The following NOTCH4 variants were observed in gnomAD, a reference collection of about 807,000 sequenced individuals.
The protein encoded by NOTCH4 is notch receptor 4.
A neutral mutation model predicts 189.0 loss-of-function variants in NOTCH4; 138 were observed. The ratio of observed to expected loss-of-function variants is 0.73; its 90% CI spans 0.64 to 0.84. The LOEUF (loss-of-function observed/expected upper bound fraction) is 0.84. NOTCH4 is among the 40% of genes least tolerant of loss of function. The pLI is 0.00. For missense variants in NOTCH4, 2,286 were observed against 2,605.4 expected, an observed-to-expected ratio of 0.88 and a Z score of 2.67; for synonymous variants, 942 against 1,032.8, an observed-to-expected ratio of 0.91 and a Z score of 1.69.
intron 26 of NOTCH4, 125 bp from the exon 27 acceptor site, chr6:32,197,719 T>A: frequency 1.3e-6 from 1 of 795,532 alleles, no homozygotes; most frequent in Non-Finnish European, 1.9e-6. Flanking sequence ...CTGTGTGGCT[T>A]TAGCCAAGTG....
intron 6 of NOTCH4, 52 bp downstream of exon 6, chr6:32,220,353 C>G (rs898261518): frequency 8.7e-6 from 14 of 1,611,042 alleles, no homozygotes; most frequent in Non-Finnish European, 1.1e-5. Flanking sequence ...CCTGGTGCTT[C>G]TCTCACCCTC....
chr6:32,213,066 G>A (rs1789131629), intron 15 of NOTCH4, 69 bp downstream of exon 15: 1 of 1,310,440 alleles, frequency 7.6e-7, no homozygotes, highest in African/African-American at 1.4e-5. Flanking sequence ...GAACCCAGGG[G>A]GAGATGAGAG....
intron 11 of NOTCH4, 115 bp downstream of exon 11, chr6:32,216,830 A>G: frequency 8.2e-7 from 1 of 1,225,362 alleles, no homozygotes; most frequent in Non-Finnish European, 1.2e-6. Flanking sequence ...TTTAAAGGAT[A>G]CCATTCTCAT....
chr6:32,201,346 T>C lies in NOTCH4; in HGVS notation c.3910A>G (p.Ser1304Gly), dbSNP rs1788340857. The change falls in exon 22 of 30, where the codon AGC becomes GGC. Residue 1304 changes from serine to glycine, a missense_variant. This residue lies in a region of NOTCH4 where 1,903 missense variants were observed against 2,261.9 expected (regional missense o/e 0.84). Coordinates refer to ENST00000375023, the MANE Select transcript of NOTCH4 (RefSeq NM_004557.4). This position sits in a 1 kb window ranked among gnomAD's most constrained non-coding sequence, Gnocchi z 5.5. The stretch of plus-strand genomic sequence containing the variant: ...AGCTGCTGGTCTAGGGCTGGGGGGC[T>C]CAGTACCACCAGCAGGGCCAGGGAG... ...GPSLALLVVL[S>G]PPALDQQLFA... The C allele has an allele frequency of 6.2e-7, 1 of 1,610,060 alleles. No individual in the cohort carries two copies. The highest frequency in any genetic ancestry group is 8.5e-7 in the Non-Finnish European group (1 of 1,178,266).
At chr6:32,213,402 A>C (rs1176870317) in intron 14 of NOTCH4, 150 bp from the exon 15 acceptor site, 1 of 628,800 alleles carries the variant, frequency 1.6e-6, no homozygotes. Flanking sequence ...ATGATATTTT[A>C]TTGTTTTTAG....
chr6:32,198,833 A>ACTT lies in NOTCH4; in HGVS notation c.4535+90_4535+92dup, dbSNP rs1396996593. ...CCCCTCTCTCCTTCCCCTATCTTTG[A>ACTT]CTTCTGCAATAGTATTTCTTATCTT... On this transcript the variant is annotated intron_variant, in intron 24 of 29. Transcript: ENST00000375023. This position sits in a 1 kb window ranked among gnomAD's most constrained non-coding sequence, Gnocchi z 5.5. 6.9e-7 allele frequency: 1 copy of ACTT among 1,448,650 alleles called. No individual in the cohort carries two copies. Among genetic ancestry groups the ACTT allele is most frequent in the African/African-American group, 1.4e-5 (1 of 70,156 alleles). 89.7% of individuals were successfully genotyped at this position (1,448,650 alleles called of 1,614,324 possible).
In NOTCH4 at chr6:32,216,748, A is replaced by T. The variant is rs547527789; in HGVS notation, c.1861+197T>A. On this transcript the variant is annotated intron_variant, in intron 11 of 29. Transcript: ENST00000375023. Reference sequence around the variant, plus strand: ...CAATCACACCATTTACACTGGGCCCATGTGGGCCCTACGGTAACCCCTGCC... The same window carrying T: ...CAATCACACCATTTACACTGGGCCCTTGTGGGCCCTACGGTAACCCCTGCC... 25 of 684,494 alleles carry T rather than the reference A, an allele frequency of 3.7e-5. No individual in the cohort carries two copies. The South Asian group carries it at 4.5e-4, about 12-fold the overall frequency. The allele number at this position is 684,494 out of a possible 1,614,324, so 42.4% of individuals were successfully genotyped here. A position where few individuals can be genotyped will look rare whatever the true frequency, so the allele number is the denominator to read the frequency against.
chr6:32,223,799 A>C, intron 1 of NOTCH4, 57 bp downstream of exon 1: 2 of 1,558,058 alleles, frequency 1.3e-6, no homozygotes, highest in East Asian at 2.3e-5. Context: ...CCCCCACCCC[A>C]CTGATCATCC....
Position 32,203,819 on chromosome 6 carries a change from C to T in NOTCH4, c.3182G>A (p.Cys1061Tyr), listed in dbSNP as rs866877705. ...CAGGGGTGATCCTGCTGTGGCCTCA[C>T]AGGTCCCTCCATGAAAGCAGGGTTG... ...HSQPCFHGGT[C>Y]EATAGSPLGF... The change falls in exon 20 of 30, where the codon TGT becomes TAT. Residue 1061 changes from cysteine (C) to tyrosine (Y), a missense_variant. This residue lies in a region of NOTCH4 where 1,903 missense variants were observed against 2,261.9 expected (regional missense o/e 0.84). Coordinates refer to ENST00000375023, the MANE Select transcript of NOTCH4 (RefSeq NM_004557.4). The T allele has an allele frequency of 3.2e-6, 5 of 1,562,186 alleles. No individual in the cohort carries two copies. In the East Asian group the frequency reaches 9.4e-5, roughly 29 times the overall value.
chr6:32,213,972 C>T (rs962069724), intron 13 of NOTCH4, 132 bp from the exon 14 acceptor site: 15 of 1,417,304 alleles, frequency 1.1e-5, no homozygotes, highest in African/African-American at 1.4e-5. Flanking sequence ...TTCTCACCAC[C>T]TCCCACACAT....
At position 32,220,411 on chromosome 6, in the gene NOTCH4, G is replaced by A. The variant is rs370312303; in HGVS notation, c.1153C>T (p.Arg385Cys). Residue 385 changes from arginine (R) to cysteine (C), a missense_variant, in exon 6 of 30, where the codon CGC becomes TGC. Physicochemically the swap from Arg to Cys is radical, Grantham distance 180. Around this residue, in one of 2 missense-constraint regions of NOTCH4, gnomAD observed 1,903 missense variants for 2,261.9 expected, o/e 0.84. Coordinates refer to ENST00000375023, the MANE Select transcript of NOTCH4 (RefSeq NM_004557.4). ...GSFSCLCPPG[R>C]TGLLCHLEDM... ...ATACCCTCTACCCCCATACCTGTGC[G>A]TCCAGGTGGGCAGAGGCAGGAGAAA... is the stretch of plus-strand genomic sequence containing the variant. 78 of 1,613,874 alleles carry A rather than the reference G, an allele frequency of 4.8e-5. 1 individual carries two copies. Among genetic ancestry groups the A allele is most frequent in the Admixed American group, 6.7e-5 (4 of 60,006 alleles).
Position 32,212,844 on chromosome 6 carries a change from A to C in NOTCH4, c.2506T>G (p.Tyr836Asp). The C allele has an allele frequency of 1.3e-6, 2 of 1,548,904 alleles. No individual in the cohort carries two copies. The highest frequency in any genetic ancestry group is 2.4e-5 in the South Asian group (2 of 83,724). ...CTCACCTGGCAGCTGCCTCCGGTGT[A>C]GCCAGTGGGGCAGAGGCAGCGGGGA... Reference protein sequence around the residue: ...QGPRCLCPTGYTGGSCQTLMD... With the variant: ...QGPRCLCPTGDTGGSCQTLMD... Residue 836 changes from tyrosine (Y) to aspartate (D), a missense_variant, in exon 16 of 30, where the codon TAC becomes GAC. Physicochemically the swap from Tyr to Asp is radical, Grantham distance 160 (BLOSUM62 -3). Around this residue, in one of 2 missense-constraint regions of NOTCH4, gnomAD observed 1,903 missense variants for 2,261.9 expected, o/e 0.84. Transcript: ENST00000375023. This position sits in a 1 kb window ranked among gnomAD's most constrained non-coding sequence, Gnocchi z 4.4.
Position 32,196,889 on chromosome 6 carries a change from T to C in NOTCH4, c.5200+36A>G, listed in dbSNP as rs569356345. 3.8e-5 allele frequency: 54 copies of C among 1,419,514 alleles called. No individual in the cohort carries two copies. In the African/African-American group the frequency reaches 1.1e-3, roughly 29 times the overall value. The allele number at this position is 1,419,514 out of a possible 1,614,324, so 87.9% of individuals were successfully genotyped here. A position where few individuals can be genotyped will look rare whatever the true frequency, so the allele number is the denominator to read the frequency against. ...CTATCTCCCACCCCATCTGCTCAAC[T>C]TCTCTATAGCATACATCACCCCTTC... On this transcript the variant is annotated intron_variant, in intron 28 of 29. Coordinates refer to ENST00000375023, the MANE Select transcript of NOTCH4 (RefSeq NM_004557.4).
intron 12 of NOTCH4, 77 bp from the exon 13 acceptor site, chr6:32,214,332 A>G (rs1789237663): frequency 1.2e-5 from 18 of 1,514,380 alleles, no homozygotes; most frequent in Middle Eastern, 4.5e-4. Context: ...CTGGACCCCT[A>G]TGACTTCCTC....
intron 3 of NOTCH4, 147 bp downstream of exon 3, chr6:32,222,364 G>T: frequency 1.6e-6 from 1 of 635,648 alleles, no homozygotes; most frequent in Non-Finnish European, 2.5e-6. Flanking sequence ...GTGGGTAAGT[G>T]GATTGCCAAG....
Position 32,214,196 on chromosome 6 carries a change from C to T in NOTCH4, c.2081G>A (p.Gly694Asp), listed in dbSNP as rs2127479484. 9.3e-6 allele frequency: 15 copies of T among 1,613,486 alleles called. No homozygotes were observed. Among genetic ancestry groups the T allele is most frequent in the Non-Finnish European group, 1.3e-5 (15 of 1,179,752 alleles). ...ATGGGCACAGGGTGCAGAGATGCAGCCCCCTAGCTCTGCCTCACACTCTGG... is the reference window on the plus strand; with the variant it reads ...ATGGGCACAGGGTGCAGAGATGCAGTCCCCTAGCTCTGCCTCACACTCTGG... ...TGPECEAELG[G>D]CISAPCAHGG... The change falls in exon 13 of 30, where the codon GGC becomes GAC. Residue 694 changes from glycine (G) to aspartate (D), a missense_variant. Physicochemically the swap from Gly to Asp is moderately conservative, Grantham distance 94. Around this residue, in one of 2 missense-constraint regions of NOTCH4, gnomAD observed 1,903 missense variants for 2,261.9 expected, o/e 0.84. Coordinates refer to ENST00000375023, the MANE Select transcript of NOTCH4 (RefSeq NM_004557.4).
chr6:32,199,047 G>A lies in NOTCH4; in HGVS notation c.4414C>T (p.Arg1472Trp), dbSNP rs544666247. ...LGALLVLQLI[R>W]RRRREHGALW... is the part of the protein sequence containing the mutation. ...GCTCCATGCTCTCGGCGTCGACGCCGGATGAGCTGGAGGACGAGAAGAGCC... is the reference window on the plus strand; with the variant it reads ...GCTCCATGCTCTCGGCGTCGACGCCAGATGAGCTGGAGGACGAGAAGAGCC... The change falls in exon 24 of 30, where the codon CGG (arginine) becomes TGG (tryptophan). Residue 1472 changes from arginine to tryptophan, a missense_variant. Arg to Trp is a moderately radical substitution (Grantham distance 101). Around this residue, in one of 2 missense-constraint regions of NOTCH4, gnomAD observed 1,903 missense variants for 2,261.9 expected, o/e 0.84. Coordinates refer to ENST00000375023, the MANE Select transcript of NOTCH4 (RefSeq NM_004557.4). The surrounding 1 kb of genome is among the most constrained non-coding windows in gnomAD (Gnocchi z 4.9). 2.5e-6 allele frequency: 4 copies of A among 1,612,788 alleles called. No individual in the cohort carries two copies. Among genetic ancestry groups the A allele is most frequent in the African/African-American group, 2.7e-5 (2 of 74,940 alleles).
chr6:32,204,009 CG>C, intron 19 of NOTCH4, 127 bp from the exon 20 acceptor site: 1 of 505,464 alleles, frequency 2.0e-6, no homozygotes, highest in Non-Finnish European at 3.3e-6. Context: ...CTTTTCTGGG[CG>C]GGGGTGGGCG....
chr6:32,196,553 C>A, intron 28 of NOTCH4, 132 bp from the exon 29 acceptor site: 1 of 1,138,908 alleles, frequency 8.8e-7, no homozygotes, highest in Admixed American at 2.6e-5. Flanking sequence ...AAGCGTTGCC[C>A]AGGAGACCAC....
Sources: gnomAD v4.1 joint callset for allele counts on GRCh38, gnomAD v4.1.1 for gene constraint, gnomAD v4.1.1 regional missense constraint, Gnocchi (gnomAD v3.1) non-coding constraint, MANE v1.5 for transcripts, NCBI Gene and HGNC (gene_info 2026-07-23, HGNC 2026-07-21) for gene names.